CPLANE1: variants seen among roughly 807,000 people sequenced by gnomAD.
The protein encoded by CPLANE1 is ciliogenesis and planar polarity effector 1.
CPLANE1 carries 263 observed loss-of-function variants against 362.5 expected under a neutral mutation model. The observed-to-expected ratio is 0.73, with a 90% CI of 0.66 to 0.80. The LOEUF is 0.80. Among genes scored for constraint, CPLANE1 ranks in the 30% least tolerant of loss-of-function variants. CPLANE1 has a pLI of 0.00. For synonymous variants in CPLANE1, 1,212 were observed against 1,302.6 expected, an observed-to-expected ratio of 0.93 and a Z score of 1.50; for missense variants, 3,461 against 3,793.4, an observed-to-expected ratio of 0.91 and a Z score of 2.30.
chr5:37,129,703 T>C (rs184447793), intron 46 of CPLANE1, among the ~76,000 whole-genome samples: 13 of 152,266 alleles, frequency 8.5e-5, no homozygotes, highest in African/African-American at 2.9e-4. Context: ...TGCAATGCCA[T>C]CTTCTGCAAG....
At chr5:37,176,239 C>T in intron 30 of CPLANE1, 1 of 345,466 alleles carries the variant, frequency 2.9e-6, no homozygotes, top group Non-Finnish European at 5.2e-6. Context: ...ATGAAAACAA[C>T]AGAACCCAAA....
intron 4 of CPLANE1, among the ~76,000 whole-genome samples, chr5:37,244,968 G>A (rs1442360650): frequency 1.3e-5 from 2 of 151,660 alleles, no homozygotes; most frequent in South Asian, 2.1e-4. Context: ...TGGCTAACAC[G>A]GTGAAACCCC....
intron 20 of CPLANE1, among the ~76,000 whole-genome samples, chr5:37,196,449 G>A (rs1377724760): frequency 6.6e-6 from 1 of 152,118 alleles, no homozygotes; most frequent in Non-Finnish European, 1.5e-5. Flanking sequence ...CCCTAATAAT[G>A]ACTCTAGGCA....
At chr5:37,089,954 C>G in the CPLANE1 span, among the ~76,000 whole-genome samples, 1 of 152,122 alleles carries the variant, frequency 6.6e-6, no homozygotes, top group African/African-American at 2.4e-5. Flanking sequence ...GCAGCCCCAA[C>G]GGAGCCAATA....
intron 35 of CPLANE1, 86 bp from the exon 36 acceptor site, chr5:37,165,757 G>A (rs1778079546): frequency 1.6e-6 from 2 of 1,228,196 alleles, no homozygotes; most frequent in African/African-American, 1.6e-5. Flanking sequence ...GGATACAGTT[G>A]ACAAAATTAC....
At chr5:37,203,111 A>G (rs1264655759) in intron 18 of CPLANE1, among the ~76,000 whole-genome samples, 1 of 152,188 alleles carries the variant, frequency 6.6e-6, no homozygotes, top group Non-Finnish European at 1.5e-5. Flanking sequence ...TTTAAAGTAT[A>G]CAGTTCAATA....
At chr5:37,214,392 T>C (rs1160632248) in intron 15 of CPLANE1, among the ~76,000 whole-genome samples, 1 of 152,070 alleles carries the variant, frequency 6.6e-6, no homozygotes, top group Non-Finnish European at 1.5e-5. Flanking sequence ...GGAGGATCGC[T>C]TGAGTCTAGG....
intron 49 of CPLANE1, among the ~76,000 whole-genome samples, chr5:37,120,710 A>AT (rs561817739): frequency 2.0e-5 from 3 of 151,684 alleles, no homozygotes; most frequent in Admixed American, 6.6e-5. Context: ...CTCAAACCTC[A>AT]TTTTTTTTCA....
At chr5:37,185,166 G>A in intron 24 of CPLANE1, 87 bp from the exon 25 acceptor site, 1 of 1,220,036 alleles carries the variant, frequency 8.2e-7, no homozygotes, top group Non-Finnish European at 1.1e-6. Context: ...CCCTCCTGGG[G>A]ACAAGAAACC....
intron 8 of CPLANE1, among the ~76,000 whole-genome samples, chr5:37,232,878 C>CAAG (rs1267386902): frequency 6.8e-6 from 1 of 147,562 alleles, no homozygotes; most frequent in Non-Finnish European, 1.5e-5. Context: ...ACACTCAGCT[C>CAAG]AAGATAGCTG....
At chr5:37,097,315 C>T in the CPLANE1 span, among the ~76,000 whole-genome samples, 1 of 151,664 alleles carries the variant, frequency 6.6e-6, no homozygotes, top group South Asian at 2.1e-4. Context: ...TAACAAAAAA[C>T]CCCGAAAACA....
chr5:37,131,776 C>A (rs1446258599), intron 46 of CPLANE1, among the ~76,000 whole-genome samples: 1 of 152,076 alleles, frequency 6.6e-6, no homozygotes, highest in Admixed American at 6.5e-5. Context: ...CTGATCCGCC[C>A]ACCTCAGCCT....
intron 1 of CPLANE1, 53 bp from the exon 2 acceptor site, chr5:37,247,798 A>ATTTTTT: frequency 9.7e-7 from 1 of 1,031,692 alleles, no homozygotes; most frequent in Non-Finnish European, 1.3e-6. Context: ...TTCACTGGGC[A>ATTTTTT]TTTTTTTTTT....
chr5:37,079,442 GTTGT>G, the CPLANE1 span, among the ~76,000 whole-genome samples: 2 of 152,092 alleles, frequency 1.3e-5, no homozygotes, highest in Admixed American at 6.6e-5. Flanking sequence ...TATTTAAAAT[GTTGT>G]TTGTTTTTAA....
At chr5:37,205,013 C>T (rs1790308644) in intron 18 of CPLANE1, among the ~76,000 whole-genome samples, 1 of 152,128 alleles carries the variant, frequency 6.6e-6, no homozygotes, top group African/African-American at 2.4e-5. Flanking sequence ...AAAAATTAGC[C>T]GGACGTGGTG....
intron 8 of CPLANE1, among the ~76,000 whole-genome samples, chr5:37,235,939 G>A (rs1321254888): frequency 6.8e-6 from 1 of 146,284 alleles, no homozygotes; most frequent in Non-Finnish European, 1.5e-5. Flanking sequence ...GTGCAATCTC[G>A]GCTCACCACA....
downstream of CPLANE1, among the ~76,000 whole-genome samples, chr5:37,101,892 G>A (rs1312651113): frequency 6.6e-6 from 1 of 152,074 alleles, no homozygotes; most frequent in South Asian, 2.1e-4. Flanking sequence ...GTGCATAGAG[G>A]TGTTTATAGT....
At position 37,186,413 on chromosome 5, in the gene CPLANE1, T is replaced by A. The variant is rs769215881; in HGVS notation, c.4081-19A>T. ...CTGCTACCTTCAGAAAAAAAATTGT[T>A]TAAGTTTTATGAGAAACATCATTCT... On this transcript the variant is annotated intron_variant, in intron 23 of 52. Transcript: ENST00000651892. 8.9e-7 allele frequency: 1 copy of A among 1,121,404 alleles called. No homozygotes were observed. Among genetic ancestry groups the A allele is most frequent in the Non-Finnish European group, 1.4e-6 (1 of 739,800 alleles). The allele number at this position is 1,121,404 out of a possible 1,614,324, so 69.5% of individuals were successfully genotyped here.
chr5:37,231,531 C>A (rs1580938811), intron 8 of CPLANE1, among the ~76,000 whole-genome samples: 1 of 152,198 alleles, frequency 6.6e-6, no homozygotes, highest in East Asian at 1.9e-4. Context: ...CATACCACTG[C>A]ACTCCAGTCT....
Sources: gnomAD v4.1 joint callset for allele counts (sites outside exome capture counted in the v4.1 genomes callset) on GRCh38, gnomAD v4.1.1 for gene constraint, MANE v1.5 for transcripts, NCBI Gene and HGNC (gene_info 2026-07-23, HGNC 2026-07-21) for gene names.